GAS2: variants seen among roughly 807,000 people sequenced by gnomAD.
The protein encoded by GAS2 is growth arrest specific 2.
A neutral mutation model predicts 37.5 loss-of-function variants in GAS2; 20 were observed. The ratio of observed to expected loss-of-function variants is 0.53; its 90% confidence interval spans 0.37 to 0.77. The LOEUF is 0.77. Among genes scored for constraint, GAS2 ranks in the 30% least tolerant of loss-of-function variants. GAS2 has a pLI of 0.00. For missense variants in GAS2, 336 were observed against 373.4 expected (o/e 0.90, Z 0.82); for synonymous variants, 144 against 132.2 (o/e 1.09, Z -0.61).
At chr11:22,772,495 G>T (rs1041225166) in intron 7 of GAS2, among the ~76,000 whole-genome samples, 2 of 152,028 alleles carry the variant, frequency 1.3e-5, no homozygotes, top group Non-Finnish European at 2.9e-5. Flanking sequence ...CTAGAGAGAT[G>T]GTGTGGCATT....
At chr11:22,774,385 A>G (rs750571055) in intron 7 of GAS2, among the ~76,000 whole-genome samples, 45 of 152,238 alleles carry the variant, frequency 3.0e-4, no homozygotes, top group Non-Finnish European at 5.3e-4. Context: ...TCAACTTACT[A>G]GGTGTTAGAG....
In GAS2 at chr11:22,745,778, G is replaced by A. The variant is rs544775881; in HGVS notation, c.474-3342G>A. ...GCCAAATAACATCATTAAAATTTGG[G>A]CAAAAGACATGAACAGACACTTAAA... On this transcript the variant is annotated intron_variant, in intron 5 of 7. Transcript: ENST00000454584. Among the ~76,000 whole-genome samples, 7 of 151,952 alleles carry A rather than the reference G, an allele frequency of 4.6e-5. No individual in the cohort carries two copies. The South Asian group carries it at 1.5e-3, about 32-fold the overall frequency.
At chr11:22,724,823 T>C (rs1852117050) in intron 3 of GAS2, among the ~76,000 whole-genome samples, 1 of 152,090 alleles carries the variant, frequency 6.6e-6, no homozygotes, top group Non-Finnish European at 1.5e-5. Context: ...ATGTTTTAAG[T>C]TATTATGTAT....
chr11:22,637,857 C>G (rs1203357660), intron 1 of GAS2, among the ~76,000 whole-genome samples: 1 of 149,816 alleles, frequency 6.7e-6, no homozygotes, highest in African/African-American at 2.4e-5. Context: ...CCACAGATAT[C>G]TCCTTCCCCA....
chr11:22,722,629 T>A (rs1852002504), intron 3 of GAS2, among the ~76,000 whole-genome samples: 1 of 151,954 alleles, frequency 6.6e-6, no homozygotes, highest in Non-Finnish European at 1.5e-5. Context: ...TATGCTTTCC[T>A]GAATTTATTG....
intron 3 of GAS2, among the ~76,000 whole-genome samples, chr11:22,693,212 A>C (rs1850339051): frequency 6.6e-6 from 1 of 152,202 alleles, no homozygotes; most frequent in African/African-American, 2.4e-5. Flanking sequence ...GATAGTAAGA[A>C]TTCTGTTGTT....
At chr11:22,746,712 G>A (rs775163450) in intron 5 of GAS2, among the ~76,000 whole-genome samples, 6 of 152,128 alleles carry the variant, frequency 3.9e-5, no homozygotes, top group Non-Finnish European at 8.8e-5. Context: ...TGGAGAGCAA[G>A]GGAGGGAGGA....
intron 3 of GAS2, among the ~76,000 whole-genome samples, chr11:22,706,576 T>C (rs964241116): frequency 2.6e-5 from 4 of 151,530 alleles, no homozygotes; most frequent in Admixed American, 1.3e-4. Context: ...TGAGTGAGAA[T>C]ATGCGGTGTT....
At chr11:22,721,931 T>C (rs1250508851) in intron 3 of GAS2, among the ~76,000 whole-genome samples, 2 of 152,038 alleles carry the variant, frequency 1.3e-5, no homozygotes, top group African/African-American at 4.8e-5. Flanking sequence ...ATGACCTTTT[T>C]TGAATGCTTA....
chr11:22,784,867 T>C (rs981973642), intron 7 of GAS2, among the ~76,000 whole-genome samples: 2 of 152,172 alleles, frequency 1.3e-5, no homozygotes, highest in African/African-American at 4.8e-5. Flanking sequence ...TTGTTGCTTT[T>C]AACTATAAGA....
chr11:22,746,998 A>G (rs183109673), intron 5 of GAS2, among the ~76,000 whole-genome samples: 20 of 152,312 alleles, frequency 1.3e-4, no homozygotes, highest in Admixed American at 1.0e-3. Context: ...TGCTGTCTAG[A>G]ATTCAGCATA....
At chr11:22,688,361 A>G (rs1385233197) in intron 3 of GAS2, 1 of 152,158 alleles carries the variant, frequency 6.6e-6, no homozygotes, top group Non-Finnish European at 1.5e-5. Context: ...GTCTACGGCC[A>G]TACCACCCTG....
intron 1 of GAS2, among the ~76,000 whole-genome samples, chr11:22,669,007 C>T (rs1849097563): frequency 6.6e-6 from 1 of 152,058 alleles, no homozygotes; most frequent in South Asian, 2.1e-4. Context: ...AAGTAAGAGG[C>T]TTATGTAAGT....
chr11:22,653,916 C>A (rs576102754), intron 1 of GAS2, among the ~76,000 whole-genome samples: 219 of 152,290 alleles, frequency 1.4e-3, no homozygotes, highest in African/African-American at 5.2e-3. Context: ...CCTCCTTTAA[C>A]GATGCTTTCT....
intron 3 of GAS2, among the ~76,000 whole-genome samples, chr11:22,717,092 A>G (rs1054470514): frequency 6.6e-6 from 1 of 152,126 alleles, no homozygotes; most frequent in Non-Finnish European, 1.5e-5. Flanking sequence ...CTACAAATTC[A>G]ATGTAATTCC....
At chr11:22,767,923 A>G (rs1342500844) in intron 7 of GAS2, among the ~76,000 whole-genome samples, 1 of 152,030 alleles carries the variant, frequency 6.6e-6, no homozygotes, top group Non-Finnish European at 1.5e-5. Context: ...TTTCCCTTTA[A>G]TACTTGACAT....
chr11:22,704,652 C>A, intron 3 of GAS2, among the ~76,000 whole-genome samples: 1 of 124,942 alleles, frequency 8.0e-6, no homozygotes, highest in Non-Finnish European at 1.6e-5. Flanking sequence ...CATGATTCTC[C>A]CAGAAAAGAA....
chr11:22,779,185 T>C (rs1855424340), intron 7 of GAS2, among the ~76,000 whole-genome samples: 3 of 151,910 alleles, frequency 2.0e-5, no homozygotes, highest in Admixed American at 1.3e-4. Context: ...GAAAAATGGG[T>C]CTTGGAATTT....
At chr11:22,714,546 T>A in intron 3 of GAS2, among the ~76,000 whole-genome samples, 1 of 152,136 alleles carries the variant, frequency 6.6e-6, no homozygotes. Context: ...ATTTACAGAA[T>A]ATTCTATCCA....
Sources: allele counts gnomAD v4.1 joint callset (sites outside exome capture counted in the v4.1 genomes callset), GRCh38; gene constraint gnomAD v4.1.1; transcripts MANE v1.5; gene names NCBI Gene and HGNC (gene_info 2026-07-23, HGNC 2026-07-21).